The following ZNF486 variants were observed in gnomAD, a reference collection of about 807,000 sequenced individuals.
The protein encoded by ZNF486 is KRAB box only protein 2.
In ZNF486, 12 loss-of-function variants were observed where a neutral mutation model predicts 12.8. The observed-to-expected ratio is 0.94, with a 90% CI of 0.60 to 1.52. The LOEUF (loss-of-function observed/expected upper bound fraction) is 1.52. ZNF486 is among the 40% of genes most tolerant of loss of function. The probability of loss-of-function intolerance (pLI) is 0.00; values close to 1 mark genes in which losing one functional copy is unlikely to be tolerated. For missense variants in ZNF486, 738 were observed against 545.0 expected (o/e 1.35, Z -3.53); for synonymous variants, 231 against 184.9 (o/e 1.25, Z -2.02).
chr19:20,180,928 A>G (rs191143501), intron 1 of ZNF486, among the ~76,000 whole-genome samples: 6 of 152,306 alleles, frequency 3.9e-5, no homozygotes, highest in Non-Finnish European at 7.4e-5. Flanking sequence ...GTATTAGTAT[A>G]TAGTATAAAG....
At chr19:20,175,283 A>C (rs1555714487) in intron 1 of ZNF486, 1 of 150,168 alleles carries the variant, frequency 6.7e-6, no homozygotes, top group Non-Finnish European at 1.5e-5. Flanking sequence ...TATCATTTTA[A>C]CTTTTTTCTC....
chr19:20,182,808 A>C (rs1378269452), intron 1 of ZNF486, among the ~76,000 whole-genome samples: 5 of 152,152 alleles, frequency 3.3e-5, no homozygotes, highest in Non-Finnish European at 7.3e-5. Flanking sequence ...GCAGGTAATC[A>C]TGTGTTACTG....
At chr19:20,171,256 C>T (rs905159751) in intron 1 of ZNF486, among the ~76,000 whole-genome samples, 11 of 152,204 alleles carry the variant, frequency 7.2e-5, no homozygotes, top group Non-Finnish European at 1.0e-4. Flanking sequence ...TGCCCATTGT[C>T]CTGTGATTCC....
intron 2 of ZNF486, among the ~76,000 whole-genome samples, chr19:20,185,671 G>T (rs1342432064): frequency 6.6e-6 from 1 of 151,794 alleles, no homozygotes; most frequent in Non-Finnish European, 1.5e-5. Context: ...GCCTCCCAGA[G>T]TGCTAGGATT....
In ZNF486 at chr19:20,199,353, G is replaced by A. The variant is rs944484817; in HGVS notation, c.*1251G>A. 17 of 152,132 alleles carry A rather than the reference G, an allele frequency of 1.1e-4. No homozygotes were observed. Among genetic ancestry groups the A allele is most frequent in the Non-Finnish European group, 1.9e-4 (13 of 68,042 alleles). 9.4% of individuals were successfully genotyped at this position (152,132 alleles called of 1,614,324 possible). A position where few individuals can be genotyped will look rare whatever the true frequency, so the allele number is the denominator to read the frequency against. On this transcript the variant is annotated 3_prime_UTR_variant, in exon 4 of 4. Coordinates refer to ENST00000335117, the MANE Select transcript of ZNF486 (RefSeq NM_052852.4). ...TTGTATTAGAAGGAAACCCTAAAGC[G>A]GTTGCCAAACTTTGTGCAACATCAG...
At position 20,179,289 on chromosome 19, in the gene ZNF486, GTAAA is replaced by G. The variant is rs781791496; in HGVS notation, c.31-5058_31-5055del. On this transcript the variant is annotated intron_variant, in intron 1 of 3. Coordinates refer to ENST00000335117, the MANE Select transcript of ZNF486 (RefSeq NM_052852.4). ...CTAATCAATAATCAATGTTATTTATGTAAATAAATAAAAACTTTTGACAAACAAC... is the reference window on the plus strand; with the variant it reads ...CTAATCAATAATCAATGTTATTTATGTAAATAAAAACTTTTGACAAACAAC... 7.2e-5 allele frequency among the ~76,000 whole-genome samples: 11 copies of G among 152,238 alleles called. No individual in the cohort carries two copies. The East Asian group carries it at 1.7e-3, about 24-fold the overall frequency.
chr19:20,193,933 T>C (rs1214287176), intron 3 of ZNF486, among the ~76,000 whole-genome samples: 4 of 152,158 alleles, frequency 2.6e-5, no homozygotes, highest in Non-Finnish European at 4.4e-5. Flanking sequence ...AACAATATAT[T>C]TGAATGTGGT....
Position 20,197,817 on chromosome 19 carries a change from G to A in ZNF486, c.1107G>A (p.Lys369=), listed in dbSNP as rs1555718306. The A allele has an allele frequency of 6.2e-7, 1 of 1,613,686 alleles. No homozygotes were observed. Among genetic ancestry groups the A allele is most frequent in the East Asian group, 2.2e-5 (1 of 44,862 alleles). The change falls in exon 4 of 4, where the codon AAG becomes AAA. Residue 369 remains lysine (K), a synonymous_variant. Transcript: ENST00000335117. ...FTRSSHLTMH[K]IIHTGEKPYK... Reference sequence around the variant, plus strand: ...GCTCCTCACACCTTACTATGCATAAGATAATTCATACTGGAGAGAAACCAT... The same window carrying A: ...GCTCCTCACACCTTACTATGCATAAAATAATTCATACTGGAGAGAAACCAT...
chr19:20,178,709 G>A (rs956827625), intron 1 of ZNF486, among the ~76,000 whole-genome samples: 2 of 152,288 alleles, frequency 1.3e-5, no homozygotes, highest in Non-Finnish European at 2.9e-5. Context: ...AAATATGCAG[G>A]CAGAATTGTG....
intron 1 of ZNF486, among the ~76,000 whole-genome samples, chr19:20,169,508 G>C (rs1296593258): frequency 2.0e-5 from 3 of 152,224 alleles, no homozygotes; most frequent in Non-Finnish European, 2.9e-5. Flanking sequence ...CCTTTATCCT[G>C]AGAGAAGCTA....
intron 3 of ZNF486, among the ~76,000 whole-genome samples, chr19:20,186,516 C>T (rs1555716479): frequency 6.6e-6 from 1 of 152,048 alleles, no homozygotes; most frequent in East Asian, 1.9e-4. Context: ...ATTTTTTCTG[C>T]ACAGTCCATT....
chr19:20,197,565 G>A lies in ZNF486; in HGVS notation c.855G>A (p.Lys285=), dbSNP rs2089972443. The A allele has an allele frequency of 6.8e-6, 11 of 1,613,502 alleles. No individual in the cohort carries two copies. The highest frequency in any genetic ancestry group is 1.3e-5 in the African/African-American group (1 of 74,890). ...FMYPYTLTTH[K]IIHTGEQPYK... is the part of the protein sequence containing the mutation. Reference sequence around the variant, plus strand: ...ACCCCTATACCCTTACTACACATAAGATAATCCATACTGGAGAGCAACCCT... The same window carrying A: ...ACCCCTATACCCTTACTACACATAAAATAATCCATACTGGAGAGCAACCCT... Residue 285 remains lysine (K), a synonymous_variant, in exon 4 of 4, where the codon AAG becomes AAA. Coordinates refer to ENST00000335117, the MANE Select transcript of ZNF486 (RefSeq NM_052852.4).
At chr19:20,186,885 G>A (rs2089853574) in intron 3 of ZNF486, among the ~76,000 whole-genome samples, 1 of 147,340 alleles carries the variant, frequency 6.8e-6, no homozygotes. Flanking sequence ...CTGGGTTCAA[G>A]CAATTCTCTG....
intron 3 of ZNF486, among the ~76,000 whole-genome samples, chr19:20,196,451 C>T (rs970460980): frequency 2.0e-5 from 3 of 152,310 alleles, no homozygotes; most frequent in Middle Eastern, 6.8e-3. Context: ...GCCTCAGCCT[C>T]CTGAGCAGTT....
chr19:20,192,000 A>G (rs1279545981), intron 3 of ZNF486, among the ~76,000 whole-genome samples: 6 of 152,072 alleles, frequency 3.9e-5, no homozygotes, highest in African/African-American at 1.2e-4. Context: ...CTGATGTTAT[A>G]TACACATATA....
intron 3 of ZNF486, among the ~76,000 whole-genome samples, chr19:20,196,411 C>T (rs1555717940): frequency 6.6e-6 from 1 of 152,230 alleles, no homozygotes; most frequent in Non-Finnish European, 1.5e-5. Flanking sequence ...TTACTGCAAC[C>T]TCCGTCTCCT....
chr19:20,190,079 T>C (rs1203292264), intron 3 of ZNF486, among the ~76,000 whole-genome samples: 1 of 152,240 alleles, frequency 6.6e-6, no homozygotes, highest in Admixed American at 6.5e-5. Context: ...TTTGTACTCA[T>C]AGCAACTTTT....
rs2089984667 is a variant in ZNF486 at position 20,198,618 on chromosome 19, G to A, written c.*516G>A. On this transcript the variant is annotated 3_prime_UTR_variant, in exon 4 of 4. Coordinates refer to ENST00000335117, the MANE Select transcript of ZNF486 (RefSeq NM_052852.4). ...GCTTACTGTGACCTCTGCCTCCTGG[G>A]TTCAAGCCATTCTCCTGCCTCAGCC... 1.9e-5 allele frequency: 3 copies of A among 155,594 alleles called. No homozygotes were observed. Among genetic ancestry groups the A allele is most frequent in the Admixed American group, 1.9e-4 (3 of 15,854 alleles). 9.6% of individuals were successfully genotyped at this position (155,594 alleles called of 1,614,324 possible).
intron 1 of ZNF486, among the ~76,000 whole-genome samples, chr19:20,177,328 A>G (rs1333526139): frequency 2.0e-5 from 3 of 152,262 alleles, no homozygotes; most frequent in African/African-American, 4.8e-5. Context: ...TTCAGCAGGT[A>G]CCTGACTTCA....
Sources: allele counts gnomAD v4.1 joint callset (sites outside exome capture counted in the v4.1 genomes callset), GRCh38; gene constraint gnomAD v4.1.1; transcripts MANE v1.5; gene names NCBI Gene and HGNC (gene_info 2026-07-23, HGNC 2026-07-21).